LAMA2: variants seen among roughly 807,000 people sequenced by gnomAD.
The protein encoded by LAMA2 is laminin subunit alpha 2.
LAMA2 carries 269 observed loss-of-function variants against 364.8 expected under a neutral mutation model. The ratio of observed to expected loss-of-function variants is 0.74; its 90% confidence interval spans 0.67 to 0.82. The LOEUF (loss-of-function observed/expected upper bound fraction) is 0.82. LAMA2 is among the 40% of genes least tolerant of loss of function. The probability of loss-of-function intolerance (pLI) is 0.00; values close to 1 mark genes in which losing one functional copy is unlikely to be tolerated. For missense variants in LAMA2, 3,807 were observed against 3,873.2 expected, an observed-to-expected ratio of 0.98 and a Z score of 0.45; for synonymous variants, 1,379 against 1,370.6, an observed-to-expected ratio of 1.01 and a Z score of -0.14.
chr6:129,162,504 A>G (rs1477247423), intron 8 of LAMA2, among the ~76,000 whole-genome samples: 1 of 151,756 alleles, frequency 6.6e-6, no homozygotes, highest in African/African-American at 2.4e-5. Flanking sequence ...AATTTTCTCA[A>G]CTTCCCTTTA....
intron 3 of LAMA2, among the ~76,000 whole-genome samples, chr6:129,074,342 C>T (rs534231903): frequency 6.6e-6 from 1 of 152,246 alleles, no homozygotes; most frequent in Non-Finnish European, 1.5e-5. Context: ...AATTATGGTC[C>T]CTCACATCCT....
At position 129,300,886 on chromosome 6, in the gene LAMA2, T is replaced by C. The variant is rs1447747197; in HGVS notation, c.3174+14T>C. ...ACTGGTTGTAAGGTGAGTGAACCACTTTTTTGCTCTGATAATTTTTTGGAG... is the reference window on the plus strand; with the variant it reads ...ACTGGTTGTAAGGTGAGTGAACCACCTTTTTGCTCTGATAATTTTTTGGAG... On this transcript the variant is annotated intron_variant, in intron 22 of 64. Transcript: ENST00000421865. 1 of 1,613,416 alleles carries C rather than the reference T, an allele frequency of 6.2e-7. No individual in the cohort carries two copies. Among genetic ancestry groups the C allele is most frequent in the Admixed American group, 1.7e-5 (1 of 60,010 alleles).
chr6:129,431,033 C>G (rs1781564610), intron 41 of LAMA2, among the ~76,000 whole-genome samples: 1 of 151,758 alleles, frequency 6.6e-6, no homozygotes, highest in South Asian at 2.1e-4. Flanking sequence ...GTTTTATTTC[C>G]TTCTTAATTT....
At chr6:129,388,112 G>A (rs1779116656) in intron 35 of LAMA2, among the ~76,000 whole-genome samples, 1 of 151,934 alleles carries the variant, frequency 6.6e-6, no homozygotes, top group Non-Finnish European at 1.5e-5. Flanking sequence ...ACAAAAATCA[G>A]CTGGGCACGG....
Position 129,328,334 on chromosome 6 carries a change from A to G in LAMA2, c.4233A>G (p.Gly1411=), listed in dbSNP as rs1194389923. ...LRSQPGGRTP[G]PTLGTCVPCQ... ...CTCAACCAGGTGGCCGCACCCCTGG[A>G]CCAACCCTGGGCACCTGTGTTCCAT... The change falls in exon 29 of 65, where the codon GGA becomes GGG. Residue 1411 remains glycine (G), a synonymous_variant. Transcript: ENST00000421865. 1.2e-6 allele frequency: 2 copies of G among 1,614,178 alleles called. No individual in the cohort carries two copies. Among genetic ancestry groups the G allele is most frequent in the Admixed American group, 3.3e-5 (2 of 60,020 alleles).
chr6:129,200,120 A>G (rs949761093), intron 12 of LAMA2, among the ~76,000 whole-genome samples: 1 of 115,888 alleles, frequency 8.6e-6, no homozygotes. Context: ...ACGTATATAT[A>G]TGTGTATATA....
chr6:129,410,639 TGATAGATGACA>T (rs1288033089), intron 40 of LAMA2, among the ~76,000 whole-genome samples: 1 of 152,150 alleles, frequency 6.6e-6, no homozygotes, highest in Non-Finnish European at 1.5e-5. Context: ...ATACATTGAT[TGATAGATGACA>T]GATAGATGAA....
intron 21 of LAMA2, among the ~76,000 whole-genome samples, chr6:129,300,314 T>G (rs577873623): frequency 6.6e-6 from 1 of 152,188 alleles, no homozygotes; most frequent in Non-Finnish European, 1.5e-5. Flanking sequence ...TGGTTTTTAC[T>G]GCAGATCGGG....
intron 34 of LAMA2, among the ~76,000 whole-genome samples, chr6:129,375,698 GTATAACAC>G (rs1484728182): frequency 6.6e-6 from 1 of 152,104 alleles, no homozygotes; most frequent in Non-Finnish European, 1.5e-5. Flanking sequence ...TTCCCTCACT[GTATAACAC>G]TTTCTTTGGT....
At chr6:129,489,473 C>T (rs919920296) in intron 56 of LAMA2, among the ~76,000 whole-genome samples, 13 of 152,288 alleles carry the variant, frequency 8.5e-5, no homozygotes, top group Non-Finnish European at 5.9e-5. Context: ...TCCTGGCATC[C>T]GCCTTGGTGG....
At chr6:129,506,647 T>C (rs73776200) in intron 61 of LAMA2, among the ~76,000 whole-genome samples, 2,939 of 152,216 alleles carry the variant, frequency 0.019, 116 homozygotes, top group African/African-American at 0.068. Flanking sequence ...GGGGGATTGA[T>C]TGGTGCTTTT....
chr6:129,331,943 C>G (rs1426037108), intron 29 of LAMA2, among the ~76,000 whole-genome samples: 1 of 152,138 alleles, frequency 6.6e-6, no homozygotes, highest in Non-Finnish European at 1.5e-5. Context: ...ATTTGCTTTC[C>G]AGCCCATGGC....
intron 36 of LAMA2, among the ~76,000 whole-genome samples, chr6:129,392,225 T>C (rs1207638149): frequency 6.6e-6 from 1 of 152,232 alleles, no homozygotes; most frequent in Non-Finnish European, 1.5e-5. Context: ...ACTTTTATGA[T>C]AACGCACTCA....
chr6:129,379,692 G>A (rs995227988), intron 34 of LAMA2, among the ~76,000 whole-genome samples: 1 of 152,156 alleles, frequency 6.6e-6, no homozygotes, highest in African/African-American at 2.4e-5. Flanking sequence ...TTGAATTACT[G>A]TGAGGCCAGT....
intron 9 of LAMA2, among the ~76,000 whole-genome samples, chr6:129,167,033 TA>T (rs1257300151): frequency 6.6e-6 from 1 of 152,166 alleles, no homozygotes; most frequent in African/African-American, 2.4e-5. Flanking sequence ...TCAATTATTG[TA>T]AAAACAATAC....
At chr6:129,006,758 G>A (rs972200014) in intron 1 of LAMA2, among the ~76,000 whole-genome samples, 2 of 152,036 alleles carry the variant, frequency 1.3e-5, no homozygotes, top group Non-Finnish European at 2.9e-5. Context: ...CTTGTAATCA[G>A]GAAGACATCC....
At chr6:129,102,426 T>G (rs1386176008) in intron 4 of LAMA2, among the ~76,000 whole-genome samples, 1 of 152,062 alleles carries the variant, frequency 6.6e-6, no homozygotes, top group Non-Finnish European at 1.5e-5. Context: ...TGAGCCACTG[T>G]GCCCAGCCTG....
chr6:129,078,589 T>C (rs752696340), intron 3 of LAMA2, among the ~76,000 whole-genome samples: 20 of 152,342 alleles, frequency 1.3e-4, no homozygotes, highest in Non-Finnish European at 2.2e-4. Flanking sequence ...TTTAACACTT[T>C]GGACCATATT....
intron 1 of LAMA2, among the ~76,000 whole-genome samples, chr6:128,949,472 A>G (rs1457407482): frequency 6.6e-5 from 10 of 152,184 alleles, no homozygotes; most frequent in African/African-American, 2.4e-4. Context: ...GAAAAAAAGA[A>G]AATAAATATC....
Sources: allele counts gnomAD v4.1 joint callset (sites outside exome capture counted in the v4.1 genomes callset), GRCh38; gene constraint gnomAD v4.1.1; transcripts MANE v1.5; gene names NCBI Gene and HGNC (gene_info 2026-07-23, HGNC 2026-07-21).